SPATA9: variants seen among roughly 807,000 people sequenced by gnomAD.
The protein encoded by SPATA9 is spermatogenesis associated 9, also known as spermatogenesis-associated protein 9.
Under a neutral mutation model 25.5 loss-of-function variants are expected in SPATA9, and 27 were observed. The ratio of observed to expected loss-of-function variants is 1.06; its 90% CI spans 0.78 to 1.46. The LOEUF is 1.46. SPATA9 is among the 40% of genes most tolerant of loss of function. SPATA9 has a pLI of 0.00. For synonymous variants in SPATA9, 102 were observed against 105.7 expected (o/e 0.97, Z 0.21); for missense variants, 282 against 297.5 (o/e 0.95, Z 0.38).
chr5:95,703,412 T>A (rs541532805), upstream of SPATA9, among the ~76,000 whole-genome samples: 7 of 152,184 alleles, frequency 4.6e-5, no homozygotes, highest in Non-Finnish European at 7.4e-5. Flanking sequence ...GACAGGTGGA[T>A]CCCTTGAGGT....
At chr5:95,670,127 C>T (rs186930413) in intron 3 of SPATA9, among the ~76,000 whole-genome samples, 45 of 152,172 alleles carry the variant, frequency 3.0e-4, no homozygotes, top group Non-Finnish European at 4.0e-4. Context: ...CATTTCAATA[C>T]GCTATGACAT....
upstream of SPATA9, among the ~76,000 whole-genome samples, chr5:95,699,349 A>G (rs1754122858): frequency 6.6e-6 from 1 of 152,230 alleles, no homozygotes; most frequent in Non-Finnish European, 1.5e-5. Context: ...ATATATGTAC[A>G]GTAAGTATCA....
chr5:95,730,874 C>T, the SPATA9 span: 1 of 455,624 alleles, frequency 2.2e-6, no homozygotes, highest in Non-Finnish European at 4.4e-6. Flanking sequence ...CGCATGTTGA[C>T]AAATGAGAAA....
the SPATA9 span, chr5:95,731,229 G>C: frequency 1.0e-6 from 1 of 1,003,720 alleles, no homozygotes; most frequent in Non-Finnish European, 1.2e-6. Context: ...GCATCCGCCC[G>C]ACCCCCGGGG....
upstream of SPATA9, chr5:95,684,891 AT>A (rs1370175123): frequency 6.6e-6 from 1 of 152,240 alleles, no homozygotes; most frequent in Non-Finnish European, 1.5e-5. Context: ...TCTCCAAATA[AT>A]TTTTATGACA....
chr5:95,714,766 T>C, the SPATA9 span, among the ~76,000 whole-genome samples: 1 of 151,844 alleles, frequency 6.6e-6, no homozygotes, highest in East Asian at 1.9e-4. Context: ...ACTGTATTTT[T>C]ATACACCAAT....
At chr5:95,707,346 C>T in the SPATA9 span, among the ~76,000 whole-genome samples, 5 of 151,922 alleles carry the variant, frequency 3.3e-5, no homozygotes, top group African/African-American at 4.8e-5. Context: ...TTGTTGTACC[C>T]GAGCGAGTTA....
chr5:95,678,723 G>A (rs1753167083), intron 2 of SPATA9, among the ~76,000 whole-genome samples: 1 of 151,768 alleles, frequency 6.6e-6, no homozygotes, highest in Non-Finnish European at 1.5e-5. Context: ...GGATCATCCT[G>A]GAAATAAAAA....
chr5:95,714,735 TCAAA>T, the SPATA9 span, among the ~76,000 whole-genome samples: 4 of 58,686 alleles, frequency 6.8e-5, no homozygotes, highest in South Asian at 1.3e-3. Context: ...CAAATCAATT[TCAAA>T]AAAAAAAAAA....
intron 2 of SPATA9, among the ~76,000 whole-genome samples, chr5:95,680,507 T>C (rs1329492466): frequency 6.6e-6 from 1 of 152,218 alleles, no homozygotes; most frequent in Middle Eastern, 3.2e-3. Flanking sequence ...CTTCAATGGC[T>C]TTCATAGAAT....
At chr5:95,730,205 G>GT in the SPATA9 span, among the ~76,000 whole-genome samples, 1 of 152,038 alleles carries the variant, frequency 6.6e-6, no homozygotes, top group Non-Finnish European at 1.5e-5. Context: ...TGTTGCCCTA[G>GT]TTTTTTTACT....
intron 3 of SPATA9, among the ~76,000 whole-genome samples, chr5:95,665,838 G>A (rs895359831): frequency 2.0e-5 from 3 of 152,108 alleles, no homozygotes; most frequent in Non-Finnish European, 4.4e-5. Flanking sequence ...GCCTGGTGGC[G>A]CATGCCTGTA....
Position 95,682,797 on chromosome 5 carries a change from T to G in SPATA9, c.58A>C (p.Arg20=), listed in dbSNP as rs371471252. The change falls in exon 1 of 5, where the codon AGA becomes CGA. Residue 20 remains arginine (R), a synonymous_variant. Coordinates refer to ENST00000274432, the MANE Select transcript of SPATA9 (RefSeq NM_031952.4). The part of the protein sequence containing the change: ...CGQVLKNFSG[R]IEGIQKAIMD... ...TTTACAACAAGATTGTGTATACTTC[T>G]TCCAGAAAAGTTCTTCAACACCTGC... 3 of 1,544,806 alleles carry G rather than the reference T, an allele frequency of 1.9e-6. No individual in the cohort carries two copies. The highest frequency in any genetic ancestry group is 2.8e-5 in the African/African-American group (2 of 72,354).
chr5:95,708,714 C>G, the SPATA9 span: 9 of 686,590 alleles, frequency 1.3e-5, no homozygotes, highest in South Asian at 1.3e-4. Flanking sequence ...CTCCTATGAC[C>G]GGTAAGTTGT....
At chr5:95,687,041 G>A (rs903104509), upstream of SPATA9, among the ~76,000 whole-genome samples, 1 of 152,150 alleles carries the variant, frequency 6.6e-6, no homozygotes, top group Admixed American at 6.5e-5. Flanking sequence ...ATCAGTAGTG[G>A]TACCTATTGT....
exon 9 of SPATA9, chr5:95,653,157 A>G (rs1750463753): frequency 4.5e-6 from 7 of 1,551,512 alleles, no homozygotes; most frequent in Non-Finnish European, 6.1e-6. Flanking sequence ...TGTCTAGTTC[A>G]TTTGCATTTT....
upstream of SPATA9, chr5:95,684,901 C>A (rs1753701094): frequency 6.6e-6 from 1 of 152,110 alleles, no homozygotes; most frequent in Non-Finnish European, 1.5e-5. Context: ...ATTTTTATGA[C>A]AGCTGTACAG....
downstream of SPATA9, among the ~76,000 whole-genome samples, chr5:95,654,887 GTATA>G (rs1193053907): frequency 9.9e-5 from 15 of 151,908 alleles, no homozygotes; most frequent in Non-Finnish European, 2.1e-4. Context: ...TTTAAAATGA[GTATA>G]TATTATTTTT....
At chr5:95,720,089 A>G in the SPATA9 span, among the ~76,000 whole-genome samples, 1 of 152,194 alleles carries the variant, frequency 6.6e-6, no homozygotes, top group South Asian at 2.1e-4. Context: ...GCAAATTAGT[A>G]TTCTAGTTTA....
Sources: allele counts gnomAD v4.1 joint callset (sites outside exome capture counted in the v4.1 genomes callset), GRCh38; gene constraint gnomAD v4.1.1; transcripts MANE v1.5; gene names NCBI Gene and HGNC (gene_info 2026-07-23, HGNC 2026-07-21).